GRAMD1B: variants seen among roughly 807,000 people sequenced by gnomAD.
The protein encoded by GRAMD1B is GRAM domain containing 1B.
A neutral mutation model predicts 99.7 loss-of-function variants in GRAMD1B; 37 were observed. The observed-to-expected ratio is 0.37, with a 90% CI of 0.29 to 0.49. The LOEUF (loss-of-function observed/expected upper bound fraction) is 0.49. Among genes scored for constraint, GRAMD1B ranks in the 20% least tolerant of loss-of-function variants. The pLI is 0.98. For missense variants in GRAMD1B, 888 were observed against 1,009.2 expected (o/e 0.88, Z 1.63); for synonymous variants, 427 against 387.6 (o/e 1.10, Z -1.19).
intron 2 of GRAMD1B, among the ~76,000 whole-genome samples, chr11:123,528,207 A>G (rs1942997789): frequency 2.0e-5 from 3 of 152,152 alleles, no homozygotes; most frequent in Non-Finnish European, 4.4e-5. Context: ...ATACTCTGGT[A>G]CTGGTACTCA....
At chr11:123,525,105 C>T (rs1020460766) in intron 2 of GRAMD1B, among the ~76,000 whole-genome samples, 1 of 152,204 alleles carries the variant, frequency 6.6e-6, no homozygotes, top group African/African-American at 2.4e-5. Context: ...TGCCTAAATC[C>T]TAAACCAGGC....
rs1161493513 is a variant in GRAMD1B at position 123,614,740 on chromosome 11, C to T, written c.2228-5C>T. On this transcript the variant is annotated splice_polypyrimidine_tract_variant and splice_region_variant and intron_variant, in intron 16 of 19. Coordinates refer to ENST00000635736, the MANE Select transcript of GRAMD1B (RefSeq NM_001387025.1). ...TGGTGATGGTCTCTTTAATTCTCCC[C>T]ACAGGTTCCACACAGACGCGGCATA... 3 of 1,597,394 alleles carry T rather than the reference C, an allele frequency of 1.9e-6. No homozygotes were observed. Among genetic ancestry groups the T allele is most frequent in the East Asian group, 2.2e-5 (1 of 44,778 alleles).
rs1565486955 is a variant in GRAMD1B at position 123,625,260 on chromosome 11, T to C, written c.*2665T>C. The C allele has an allele frequency of 6.6e-6, 1 of 152,250 alleles. No homozygotes were observed. The highest frequency in any genetic ancestry group is 1.5e-5 in the Non-Finnish European group (1 of 68,042). The allele number at this position is 152,250 out of a possible 1,614,324, so 9.4% of individuals were successfully genotyped here. A position where few individuals can be genotyped will look rare whatever the true frequency, so the allele number is the denominator to read the frequency against. On this transcript the variant is annotated 3_prime_UTR_variant, in exon 20 of 20. Coordinates refer to ENST00000635736, the MANE Select transcript of GRAMD1B (RefSeq NM_001387025.1). ...AGCATCAAAACATCACTACTTCTTA[T>C]GTAACTTCTTCCAGCCAGTGCTTTT...
At position 123,591,365 on chromosome 11, in the gene GRAMD1B, C is replaced by T. The variant is rs967842799; in HGVS notation, c.685-2717C>T. The T allele has an allele frequency of 1.0e-5, 4 of 399,076 alleles. No homozygotes were observed. The highest frequency in any genetic ancestry group is 1.3e-4 in the South Asian group (1 of 7,748). The allele number at this position is 399,076 out of a possible 1,614,324, so 24.7% of individuals were successfully genotyped here. On this transcript the variant is annotated intron_variant, in intron 4 of 19. Transcript: ENST00000635736. This position sits in a 1 kb window ranked among gnomAD's most constrained non-coding sequence, Gnocchi z 4.7. ...GGGAGTCAGTGCTCAGGGAGCCAGG[C>T]GTCGTTGGGAGGGGCAGCCGTGCTG...
intron 1 of GRAMD1B, among the ~76,000 whole-genome samples, chr11:123,377,893 G>A (rs1416026444): frequency 6.6e-6 from 1 of 152,208 alleles, no homozygotes; most frequent in Non-Finnish European, 1.5e-5. Flanking sequence ...GCTGAAAAGT[G>A]GTCATGTGTG....
chr11:123,409,853 A>G (rs1947979117), intron 1 of GRAMD1B, among the ~76,000 whole-genome samples: 2 of 152,238 alleles, frequency 1.3e-5, no homozygotes, highest in South Asian at 4.1e-4. Context: ...TAGAACATTT[A>G]AAGAAAGTGT....
At chr11:123,376,174 T>C (rs1946685607) in intron 1 of GRAMD1B, among the ~76,000 whole-genome samples, 1 of 152,126 alleles carries the variant, frequency 6.6e-6, no homozygotes, top group African/African-American at 2.4e-5. Context: ...CAAAGCAATA[T>C]AGCAGTGTTA....
At chr11:123,568,404 G>A (rs1378246112) in intron 2 of GRAMD1B, among the ~76,000 whole-genome samples, 2 of 152,212 alleles carry the variant, frequency 1.3e-5, no homozygotes, top group Non-Finnish European at 2.9e-5. Context: ...TCCACCTTTG[G>A]TCCAAATTTT....
At chr11:123,597,149 G>A (rs1264874062) in intron 7 of GRAMD1B, among the ~76,000 whole-genome samples, 2 of 142,648 alleles carry the variant, frequency 1.4e-5, no homozygotes, top group Non-Finnish European at 3.0e-5. Context: ...TTTTTTTTGA[G>A]ATGGGGCCTC....
intron 1 of GRAMD1B, among the ~76,000 whole-genome samples, chr11:123,457,927 G>A (rs1950234868): frequency 1.3e-5 from 2 of 151,968 alleles, no homozygotes; most frequent in African/African-American, 4.8e-5. Context: ...TGTTATCCAA[G>A]GTGGTCTTGA....
chr11:123,460,277 A>C (rs1224829384), intron 1 of GRAMD1B: 1 of 152,234 alleles, frequency 6.6e-6, no homozygotes, highest in Non-Finnish European at 1.5e-5. Context: ...TCCTGAGTGG[A>C]AAATGGCATT....
At chr11:123,416,723 A>G (rs962727311) in intron 1 of GRAMD1B, among the ~76,000 whole-genome samples, 3 of 152,232 alleles carry the variant, frequency 2.0e-5, no homozygotes, top group Non-Finnish European at 1.5e-5. Context: ...ATGTCATTAC[A>G]TTAGTGATGA....
intron 11 of GRAMD1B, chr11:123,608,110 A>G (rs753011330): frequency 4.5e-5 from 8 of 178,254 alleles, no homozygotes; most frequent in Non-Finnish European, 9.4e-5. Flanking sequence ...TATTGACATC[A>G]TGGTAGAAAT....
intron 2 of GRAMD1B, among the ~76,000 whole-genome samples, chr11:123,538,868 A>G (rs1944225876): frequency 6.6e-6 from 1 of 151,944 alleles, no homozygotes; most frequent in South Asian, 2.1e-4. Flanking sequence ...TCCTCAGGTG[A>G]TCCACCCACC....
intron 2 of GRAMD1B, among the ~76,000 whole-genome samples, chr11:123,538,189 C>T (rs1299989168): frequency 1.3e-5 from 2 of 152,144 alleles, no homozygotes; most frequent in African/African-American, 2.4e-5. Context: ...ACATCCTCCT[C>T]TCCCAGTCAT....
At chr11:123,418,983 A>G (rs1397948584) in intron 1 of GRAMD1B, among the ~76,000 whole-genome samples, 1 of 152,230 alleles carries the variant, frequency 6.6e-6, no homozygotes, top group East Asian at 1.9e-4. Context: ...GGTGGGAGGA[A>G]CATGCACATC....
intron 2 of GRAMD1B, among the ~76,000 whole-genome samples, chr11:123,545,923 T>G (rs1387661798): frequency 1.3e-5 from 2 of 152,248 alleles, no homozygotes; most frequent in African/African-American, 4.8e-5. Flanking sequence ...TGACTTGTTC[T>G]GCAAAGGCAG....
chr11:123,508,683 T>C (rs1940676086), intron 2 of GRAMD1B, among the ~76,000 whole-genome samples: 1 of 152,104 alleles, frequency 6.6e-6, no homozygotes, highest in African/African-American at 2.4e-5. Flanking sequence ...GATCACACAA[T>C]CATTGCCTTC....
intron 1 of GRAMD1B, among the ~76,000 whole-genome samples, chr11:123,401,338 T>C (rs1001551892): frequency 6.6e-6 from 1 of 152,190 alleles, no homozygotes; most frequent in Non-Finnish European, 1.5e-5. Context: ...TCCTGGCATG[T>C]GTTGTGCTCC....
Sources: gnomAD v4.1 joint callset for allele counts (sites outside exome capture counted in the v4.1 genomes callset) on GRCh38, gnomAD v4.1.1 for gene constraint, Gnocchi (gnomAD v3.1) non-coding constraint, MANE v1.5 for transcripts, NCBI Gene and HGNC (gene_info 2026-07-23, HGNC 2026-07-21) for gene names.